The following STPG2 variants were observed in gnomAD, a reference collection of about 807,000 sequenced individuals.
The protein encoded by STPG2 is sperm tail PG-rich repeat containing 2.
In STPG2, 56 loss-of-function variants were observed where a neutral mutation model predicts 54.2. The observed-to-expected ratio is 1.03, with a 90% CI of 0.83 to 1.29. The LOEUF is 1.29. Ranked by LOEUF, STPG2 falls within the 50% of genes most tolerant of loss-of-function variation. The pLI is 0.00. For synonymous variants in STPG2, 200 were observed against 181.8 expected (o/e 1.10, Z -0.81); for missense variants, 596 against 544.9 (o/e 1.09, Z -0.93).
chr4:97,751,791 T>C (rs1176874746), intron 9 of STPG2, among the ~76,000 whole-genome samples: 4 of 151,654 alleles, frequency 2.6e-5, no homozygotes, highest in African/African-American at 4.8e-5. Flanking sequence ...GTAAAGGAAC[T>C]AAAGGAAAGG....
At chr4:97,659,526 T>G (rs1263302252) in intron 10 of STPG2, among the ~76,000 whole-genome samples, 1 of 152,244 alleles carries the variant, frequency 6.6e-6, no homozygotes, top group Non-Finnish European at 1.5e-5. Flanking sequence ...TCACACTTTA[T>G]GTCAGCTCAT....
At chr4:97,628,549 GTTTAT>G (rs535898612) in intron 10 of STPG2, among the ~76,000 whole-genome samples, 54 of 152,114 alleles carry the variant, frequency 3.5e-4, no homozygotes, top group African/African-American at 1.3e-3. Context: ...TTTATTAAAT[GTTTAT>G]TTTATCACTG....
At chr4:97,627,034 T>G (rs2148929228) in intron 10 of STPG2, among the ~76,000 whole-genome samples, 1 of 152,252 alleles carries the variant, frequency 6.6e-6, no homozygotes, top group East Asian at 1.9e-4. Flanking sequence ...TCACTAATGT[T>G]TCTCACATGC....
chr4:97,931,717 T>G (rs1016780831), intron 8 of STPG2, among the ~76,000 whole-genome samples: 3 of 151,984 alleles, frequency 2.0e-5, no homozygotes, highest in Non-Finnish European at 2.9e-5. Flanking sequence ...GTGTGTGTGT[T>G]TCTGCCAAGT....
intron 9 of STPG2, among the ~76,000 whole-genome samples, chr4:97,809,104 T>C (rs2149095691): frequency 6.6e-6 from 1 of 152,250 alleles, no homozygotes; most frequent in East Asian, 1.9e-4. Flanking sequence ...CAACTGATAA[T>C]TTAAATTTAA....
chr4:97,699,748 T>C (rs1254675840), intron 10 of STPG2, among the ~76,000 whole-genome samples: 1 of 152,190 alleles, frequency 6.6e-6, no homozygotes, highest in Non-Finnish European at 1.5e-5. Context: ...AACCAGGCCC[T>C]AGTCTTCTCT....
At chr4:97,706,938 G>A (rs1026487838) in intron 10 of STPG2, among the ~76,000 whole-genome samples, 3 of 152,252 alleles carry the variant, frequency 2.0e-5, no homozygotes, top group Non-Finnish European at 4.4e-5. Context: ...ATGAGGCTGA[G>A]AGATATTTTT....
At chr4:97,944,443 C>T (rs1733122057) in intron 7 of STPG2, among the ~76,000 whole-genome samples, 2 of 151,562 alleles carry the variant, frequency 1.3e-5, no homozygotes. Flanking sequence ...CAAAATGATC[C>T]ACTCACTCTC....
chr4:97,637,335 A>G (rs893383006), intron 10 of STPG2, among the ~76,000 whole-genome samples: 2 of 152,210 alleles, frequency 1.3e-5, no homozygotes, highest in African/African-American at 4.8e-5. Context: ...TATTGATGGG[A>G]CATATTTCAA....
chr4:97,986,909 G>A (rs534070214), intron 5 of STPG2, among the ~76,000 whole-genome samples: 1 of 152,140 alleles, frequency 6.6e-6, no homozygotes, highest in South Asian at 2.1e-4. Context: ...AGAAAAGCAG[G>A]AGATGCATCA....
At chr4:97,741,452 G>T (rs1218101315) in intron 9 of STPG2, among the ~76,000 whole-genome samples, 1 of 151,670 alleles carries the variant, frequency 6.6e-6, no homozygotes, top group Non-Finnish European at 1.5e-5. Context: ...GAAAATTTTT[G>T]CAACCTACTC....
At chr4:97,925,584 C>T (rs559125016) in intron 8 of STPG2, among the ~76,000 whole-genome samples, 1 of 152,128 alleles carries the variant, frequency 6.6e-6, no homozygotes, top group South Asian at 2.1e-4. Context: ...AACAACAGAC[C>T]AACCAACAAA....
chr4:98,143,003 A>T, intron 1 of STPG2, 39 bp downstream of exon 1: 1 of 1,548,028 alleles, frequency 6.5e-7, no homozygotes, highest in East Asian at 2.3e-5. Context: ...TGAAGATAGG[A>T]TGCCTGTCAC....
At chr4:97,459,123 C>T (rs148734469) in intron 4 of STPG2, among the ~76,000 whole-genome samples, 273 of 151,808 alleles carry the variant, frequency 1.8e-3, no homozygotes, top group African/African-American at 6.4e-3. Flanking sequence ...TAATTTCCTA[C>T]GAATATATTC....
At chr4:97,855,520 T>G (rs946313859) in intron 8 of STPG2, among the ~76,000 whole-genome samples, 1 of 150,432 alleles carries the variant, frequency 6.6e-6, no homozygotes, top group Non-Finnish European at 1.5e-5. Flanking sequence ...AATAAGGTTG[T>G]TTTTTTTTCT....
intron 7 of STPG2, among the ~76,000 whole-genome samples, chr4:97,951,624 AT>A (rs2149240370): frequency 6.6e-6 from 1 of 152,066 alleles, no homozygotes; most frequent in South Asian, 2.1e-4. Flanking sequence ...GACTCTTTGC[AT>A]GATAACCTTC....
chr4:98,140,214 A>G (rs1740242575), intron 1 of STPG2, among the ~76,000 whole-genome samples: 1 of 152,206 alleles, frequency 6.6e-6, no homozygotes, highest in African/African-American at 2.4e-5. Flanking sequence ...TGAACTTAGG[A>G]AAACTGTAAA....
chr4:97,467,645 A>G (rs1316683414), intron 4 of STPG2, among the ~76,000 whole-genome samples: 2 of 151,990 alleles, frequency 1.3e-5, no homozygotes. Context: ...GGAAATGGAG[A>G]AAAAACCATT....
intron 8 of STPG2, among the ~76,000 whole-genome samples, chr4:97,849,617 A>T (rs1003038750): frequency 2.6e-5 from 4 of 152,238 alleles, no homozygotes; most frequent in Non-Finnish European, 5.9e-5. Context: ...AAAGGACACG[A>T]ACAGACACTT....
Sources: gnomAD v4.1 joint callset for allele counts (sites outside exome capture counted in the v4.1 genomes callset) on GRCh38, gnomAD v4.1.1 for gene constraint, MANE v1.5 for transcripts, NCBI Gene and HGNC (gene_info 2026-07-23, HGNC 2026-07-21) for gene names.